The following SCNN1B variants were observed in gnomAD, a reference collection of about 807,000 sequenced individuals.
SCNN1B encodes sodium channel epithelial 1 subunit beta, also known as epithelial sodium channel subunit beta.
In SCNN1B, 46 loss-of-function variants were observed where a neutral mutation model predicts 65.3. That is an observed-to-expected ratio of 0.70 (90% CI 0.56 to 0.90). The LOEUF (loss-of-function observed/expected upper bound fraction) is 0.90, where lower values mean the gene tolerates loss of function less well. SCNN1B is among the 40% of genes least tolerant of loss of function. The pLI is 0.00. For synonymous variants in SCNN1B, 349 were observed against 330.6 expected, an observed-to-expected ratio of 1.06 and a Z score of -0.60; for missense variants, 751 against 830.5, an observed-to-expected ratio of 0.90 and a Z score of 1.18.
intron 1 of SCNN1B, among the ~76,000 whole-genome samples, chr16:23,314,936 C>T (rs1257844398): frequency 6.6e-6 from 1 of 152,192 alleles, no homozygotes; most frequent in African/African-American, 2.4e-5. Flanking sequence ...AACTCTGGCA[C>T]AAGGTGGGGA....
At chr16:23,363,335 G>A (rs1368311580) in intron 4 of SCNN1B, among the ~76,000 whole-genome samples, 2 of 152,204 alleles carry the variant, frequency 1.3e-5, no homozygotes, top group Non-Finnish European at 2.9e-5. Flanking sequence ...ACGAAGACGT[G>A]ATGTAACCAT....
At chr16:23,303,027 C>T (rs1484853587) in intron 1 of SCNN1B, among the ~76,000 whole-genome samples, 1 of 152,076 alleles carries the variant, frequency 6.6e-6, no homozygotes, top group African/African-American at 2.4e-5. Flanking sequence ...GTCCGGGGAA[C>T]GTGGGTTTCA....
intron 2 of SCNN1B, among the ~76,000 whole-genome samples, chr16:23,290,163 G>A (rs1452128733): frequency 6.6e-6 from 1 of 152,142 alleles, no homozygotes; most frequent in African/African-American, 2.4e-5. Context: ...GCTATTGTGA[G>A]GATTAAGAGA....
intron 4 of SCNN1B, among the ~76,000 whole-genome samples, chr16:23,357,305 C>T (rs906835772): frequency 2.6e-5 from 4 of 152,194 alleles, no homozygotes; most frequent in South Asian, 2.1e-4. Flanking sequence ...CAGGTGCAAC[C>T]GGACATGTGG....
intron 1 of SCNN1B, among the ~76,000 whole-genome samples, chr16:23,341,718 A>G (rs551639920): frequency 1.3e-5 from 2 of 152,250 alleles, no homozygotes; most frequent in Non-Finnish European, 2.9e-5. Flanking sequence ...ATATAAGCCT[A>G]TGAGAAGAAG....
rs1473763288 is a variant in SCNN1B, at chr16:23,352,848, A to T, written c.359A>T (p.Glu120Val). 4 of 1,614,176 alleles carry T rather than the reference A, an allele frequency of 2.5e-6. No individual in the cohort carries two copies. In the Admixed American group the frequency reaches 6.7e-5, roughly 27 times the overall value. Residue 120 changes from glutamate (E) to valine (V), a missense_variant, in exon 3 of 13, where the codon GAA becomes GTA. By Grantham distance (121) the Glu-to-Val change is moderately radical. Coordinates refer to ENST00000343070, the MANE Select transcript of SCNN1B (RefSeq NM_000336.3). ...CTGAAGGACCTGGATGAGCTGATGG[A>T]AGCTGTCCTGGAGAGAATCCTGGCT... Reference protein sequence around the residue: ...HLLKDLDELMEAVLERILAPE... With the variant: ...HLLKDLDELMVAVLERILAPE...
intron 10 of SCNN1B, among the ~76,000 whole-genome samples, chr16:23,377,626 A>G (rs568207938): frequency 2.3e-5 from 1 of 43,142 alleles, no homozygotes; most frequent in African/African-American, 1.0e-4. Context: ...TCCTTCCTTC[A>G]TTCCTTCTCC....
intron 1 of SCNN1B, among the ~76,000 whole-genome samples, chr16:23,336,159 C>A (rs1466811159): frequency 6.6e-6 from 1 of 152,206 alleles, no homozygotes. Flanking sequence ...TTTGACTCAC[C>A]ATGACTGTGG....
intron 1 of SCNN1B, among the ~76,000 whole-genome samples, chr16:23,317,091 A>C (rs1961488448): frequency 1.3e-5 from 2 of 152,248 alleles, no homozygotes; most frequent in Non-Finnish European, 2.9e-5. Flanking sequence ...CTAAAGCCTG[A>C]AAGACCTAAA....
At chr16:23,324,689 C>G (rs905541428) in intron 1 of SCNN1B, among the ~76,000 whole-genome samples, 2 of 152,176 alleles carry the variant, frequency 1.3e-5, no homozygotes, top group African/African-American at 4.8e-5. Flanking sequence ...CTCTACCCAT[C>G]CTACCCCACC....
rs1251823742 is a variant in SCNN1B at position 23,349,035 on chromosome 16, C to A, written c.311+125C>A. 5.1e-6 allele frequency: 4 copies of A among 781,760 alleles called. No individual in the cohort carries two copies. In the East Asian group the frequency reaches 8.0e-5, roughly 16 times the overall value. 48.4% of individuals were successfully genotyped at this position (781,760 alleles called of 1,614,324 possible). ...CTCCTTTCTCTCCTTCTCTTTATTT[C>A]TCCCCTTTCTTCCTTCCTTTCTCCC... On this transcript the variant is annotated intron_variant, in intron 2 of 12. Coordinates refer to ENST00000343070, the MANE Select transcript of SCNN1B (RefSeq NM_000336.3).
intron 5 of SCNN1B, among the ~76,000 whole-genome samples, chr16:23,369,585 C>T (rs373994708): frequency 3.3e-5 from 5 of 152,142 alleles, no homozygotes; most frequent in East Asian, 1.9e-4. Context: ...GTGGATCCCT[C>T]CTCCCATCTC....
chr16:23,279,096 T>A (rs578224718), intron 1 of SCNN1B, among the ~76,000 whole-genome samples: 134 of 141,158 alleles, frequency 9.5e-4, no homozygotes, highest in African/African-American at 3.6e-3. Flanking sequence ...TGTGTGTGTG[T>A]GATGGGGGCT....
chr16:23,366,973 G>A (rs1204840112), intron 4 of SCNN1B, among the ~76,000 whole-genome samples: 7 of 152,188 alleles, frequency 4.6e-5, no homozygotes, highest in South Asian at 4.1e-4. Flanking sequence ...AAGAGGCAAG[G>A]AGGAATTCTC....
At chr16:23,370,446 G>T (rs532828816) in intron 5 of SCNN1B, among the ~76,000 whole-genome samples, 2 of 152,136 alleles carry the variant, frequency 1.3e-5, no homozygotes, top group Admixed American at 1.3e-4. Context: ...ACATCACCCC[G>T]CAGGTAGCAA....
rs141468712 is a variant in SCNN1B, at chr16:23,347,132, A to G, written c.-8-1460A>G. Among the ~76,000 whole-genome samples, 731 of 152,320 alleles carry G rather than the reference A, an allele frequency of 4.8e-3. 9 individuals carry two copies. Among genetic ancestry groups the G allele is most frequent in the African/African-American group, 0.016 (664 of 41,562 alleles). On this transcript the variant is annotated intron_variant, in intron 1 of 12. Coordinates refer to ENST00000343070, the MANE Select transcript of SCNN1B (RefSeq NM_000336.3). ...ACAAAAAGCCAGAAAATTTGGTTAC[A>G]GAATCCTTATTCTAAACCACCAGCC... is the stretch of plus-strand genomic sequence containing the variant.
Sources: gnomAD v4.1 joint callset for allele counts (sites outside exome capture counted in the v4.1 genomes callset) on GRCh38, gnomAD v4.1.1 for gene constraint, MANE v1.5 for transcripts, NCBI Gene and HGNC (gene_info 2026-07-23, HGNC 2026-07-21) for gene names.